Variants in RPSA2 observed in about 807,000 individuals in gnomAD.
RPSA2 encodes small ribosomal subunit protein uS2B.
the RPSA2 span, among the ~76,000 whole-genome samples, chr19:23,785,225 G>C: frequency 6.6e-6 from 1 of 152,040 alleles, no homozygotes; most frequent in African/African-American, 2.4e-5. Context: ...TTCTTGCCTT[G>C]GTGCTGTGCA....
the RPSA2 span, among the ~76,000 whole-genome samples, chr19:23,761,901 A>ATCCTTCCTTCCTTCCTCCCTTCCTTCC: frequency 2.9e-5 from 1 of 34,016 alleles, no homozygotes; most frequent in African/African-American, 9.6e-5. Context: ...GGGTAACGTA[A>ATCCTTCCTTCCTTCCTCCCTTCCTTCC]TTCTTTCTTT....
the RPSA2 span, among the ~76,000 whole-genome samples, chr19:23,804,846 G>T: frequency 1.2e-4 from 18 of 152,074 alleles, no homozygotes; most frequent in Admixed American, 2.0e-4. Context: ...ACTCTCTTGT[G>T]CCCTTTTCAC....
chr19:23,840,962 CAAAAAAAAAAAAA>C, the RPSA2 span, among the ~76,000 whole-genome samples: 2 of 117,754 alleles, frequency 1.7e-5, no homozygotes, highest in Non-Finnish European at 1.7e-5. Context: ...AACTCCGTCT[CAAAAAAAAAAAAA>C]AAAAAAAAAA....
At chr19:23,819,667 T>C in the RPSA2 span, among the ~76,000 whole-genome samples, 1 of 152,324 alleles carries the variant, frequency 6.6e-6, no homozygotes, top group East Asian at 1.9e-4. Context: ...ATTCCTCTAG[T>C]TCACAGAGAT....
the RPSA2 span, among the ~76,000 whole-genome samples, chr19:23,841,441 G>A: frequency 6.6e-6 from 1 of 152,096 alleles, no homozygotes; most frequent in Non-Finnish European, 1.5e-5. Flanking sequence ...TCCAGCCTGG[G>A]CGACAGAGCC....
chr19:23,772,202 A>G, the RPSA2 span, among the ~76,000 whole-genome samples: 2 of 152,214 alleles, frequency 1.3e-5, no homozygotes, highest in African/African-American at 4.8e-5. Flanking sequence ...GGAACCAGAC[A>G]CAAGGTGATT....
At chr19:23,766,645 A>G in the RPSA2 span, among the ~76,000 whole-genome samples, 150,300 of 151,758 alleles carry the variant, frequency 0.99, 74,446 homozygotes, top group Middle Eastern at 1. Flanking sequence ...TAGTAGAGAC[A>G]GGGTTTCACC....
the RPSA2 span, among the ~76,000 whole-genome samples, chr19:23,862,378 T>G: frequency 6.6e-6 from 1 of 151,422 alleles, no homozygotes; most frequent in Non-Finnish European, 1.5e-5. Context: ...TTTCCTTCTC[T>G]TGCCTAATTG....
chr19:23,840,676 C>T, the RPSA2 span, among the ~76,000 whole-genome samples: 18 of 151,972 alleles, frequency 1.2e-4, no homozygotes, highest in African/African-American at 2.2e-4. Flanking sequence ...ACAAAACATG[C>T]GCTGGGCACG....
chr19:23,856,074 A>T, the RPSA2 span, among the ~76,000 whole-genome samples: 148,729 of 152,056 alleles, frequency 0.98, 72,830 homozygotes, highest in Middle Eastern at 1. Context: ...GTGGGGGAGG[A>T]GTAGGTGAAG....
chr19:23,864,221 C>T, the RPSA2 span, among the ~76,000 whole-genome samples: 14 of 152,212 alleles, frequency 9.2e-5, no homozygotes, highest in South Asian at 2.1e-4. Context: ...TAAGACACAA[C>T]GCATGGCCTG....
At chr19:23,793,669 T>C in the RPSA2 span, among the ~76,000 whole-genome samples, 3 of 152,012 alleles carry the variant, frequency 2.0e-5, no homozygotes, top group Non-Finnish European at 4.4e-5. Context: ...CTCAGGTGAT[T>C]CTTCTGTCTC....
At chr19:23,839,516 C>T in the RPSA2 span, among the ~76,000 whole-genome samples, 1 of 152,160 alleles carries the variant, frequency 6.6e-6, no homozygotes, top group Non-Finnish European at 1.5e-5. Context: ...TTGAAAATTA[C>T]CCCAGGCTTT....
the RPSA2 span, among the ~76,000 whole-genome samples, chr19:23,829,816 ATTG>A: frequency 5.0e-3 from 759 of 152,274 alleles, 4 homozygotes; most frequent in Non-Finnish European, 8.1e-3. Flanking sequence ...CTATTCTTTT[ATTG>A]TTCAAATTTC....
At chr19:23,830,132 A>G in the RPSA2 span, among the ~76,000 whole-genome samples, 8 of 150,636 alleles carry the variant, frequency 5.3e-5, no homozygotes, top group African/African-American at 1.7e-4. Context: ...CAACTTTTTC[A>G]TGACTCCATA....
chr19:23,786,475 G>C, the RPSA2 span, among the ~76,000 whole-genome samples: 1 of 152,130 alleles, frequency 6.6e-6, no homozygotes, highest in Non-Finnish European at 1.5e-5. Context: ...TTTAAGTATT[G>C]TCAATTTTGG....
At chr19:23,816,949 G>A in the RPSA2 span, among the ~76,000 whole-genome samples, 2 of 152,140 alleles carry the variant, frequency 1.3e-5, no homozygotes, top group Non-Finnish European at 2.9e-5. Context: ...TGAGACTTGG[G>A]TTGGGACACA....
the RPSA2 span, among the ~76,000 whole-genome samples, chr19:23,761,924 T>TCCGTCC: frequency 2.1e-5 from 1 of 48,368 alleles, no homozygotes; most frequent in East Asian, 2.1e-3. Context: ...TTCTTTCTTT[T>TCCGTCC]TTTTTTTTTT....
At chr19:23,847,581 C>G in the RPSA2 span, among the ~76,000 whole-genome samples, 301 of 152,278 alleles carry the variant, frequency 2.0e-3, no homozygotes, top group African/African-American at 7.0e-3. Context: ...AGGGCAATAT[C>G]AGAAACTCCT....
Sources: allele counts gnomAD v4.1 joint callset (sites outside exome capture counted in the v4.1 genomes callset), GRCh38; gene constraint gnomAD v4.1.1; transcripts MANE v1.5; gene names NCBI Gene and HGNC (gene_info 2026-07-23, HGNC 2026-07-21).